Variants in OSER1 observed in about 807,000 individuals in gnomAD.
OSER1 encodes oxidative stress responsive serine rich 1.
Under a neutral mutation model 26.3 loss-of-function variants are expected in OSER1, and 15 were observed. That is an observed-to-expected ratio of 0.57 (90% CI 0.38 to 0.88). The LOEUF is 0.88. Among genes scored for constraint, OSER1 ranks in the 40% least tolerant of loss-of-function variants. The pLI is 0.00. For synonymous variants in OSER1, 127 were observed against 128.2 expected (o/e 0.99, Z 0.07); for missense variants, 313 against 353.9 (o/e 0.88, Z 0.93).
Position 44,202,965 on chromosome 20 carries a change from G to A in OSER1, c.187C>T (p.His63Tyr). Residue 63 changes from histidine to tyrosine, a missense_variant, in exon 3 of 4, where the codon CAC (histidine) becomes TAC (tyrosine). Transcript: ENST00000255174. ...KTTCASKDSW[H>Y]GSTRKSSRGA... ...ATCTCAATAAGAAGCTCTTACCCGT[G>A]CCAACTGTCTTTAGATGCACATGTG... is the stretch of plus-strand genomic sequence containing the variant. The A allele has an allele frequency of 1.3e-6, 2 of 1,575,142 alleles. No individual in the cohort carries two copies. Among genetic ancestry groups the A allele is most frequent in the Non-Finnish European group, 8.7e-7 (1 of 1,144,870 alleles).
chr20:44,208,668 C>T (rs886137307), intron 1 of OSER1, among the ~76,000 whole-genome samples: 1 of 152,120 alleles, frequency 6.6e-6, no homozygotes, highest in Non-Finnish European at 1.5e-5. Context: ...TCAATATTTT[C>T]AAAGCTTCAC....
intron 2 of OSER1, among the ~76,000 whole-genome samples, chr20:44,205,707 G>A (rs1264324323): frequency 2.6e-5 from 4 of 152,064 alleles, no homozygotes; most frequent in East Asian, 1.9e-4. Context: ...TTGGGAGGCC[G>A]AGGTGGGTGG....
rs1335790932 is a variant in OSER1 at position 44,210,724 on chromosome 20, GC to G, written c.-71del. Reference sequence around the variant, plus strand: ...CTCGCAGCTGGGACGCTCCGGTGATGCGGGGCAGTCAGTTCAGAGCGTCTCT... The same window carrying G: ...CTCGCAGCTGGGACGCTCCGGTGATGGGGGCAGTCAGTTCAGAGCGTCTCT... On this transcript the variant is annotated 5_prime_UTR_variant, in exon 1 of 4. Coordinates refer to ENST00000255174, the MANE Select transcript of OSER1 (RefSeq NM_016470.8). The G allele has an allele frequency of 6.6e-6, 1 of 152,346 alleles. No individual in the cohort carries two copies. Among genetic ancestry groups the G allele is most frequent in the Non-Finnish European group, 1.5e-5 (1 of 68,116 alleles). 9.4% of individuals were successfully genotyped at this position (152,346 alleles called of 1,614,324 possible). A position where few individuals can be genotyped will look rare whatever the true frequency, so the allele number is the denominator to read the frequency against.
chr20:44,199,375 G>A (rs1046496595), intron 3 of OSER1, among the ~76,000 whole-genome samples: 2 of 152,098 alleles, frequency 1.3e-5, no homozygotes, highest in African/African-American at 2.4e-5. Flanking sequence ...CCCTTGCCAC[G>A]TGATATCCTT....
chr20:44,199,360 G>A (rs1054394302), intron 3 of OSER1, among the ~76,000 whole-genome samples: 3 of 152,072 alleles, frequency 2.0e-5, no homozygotes, highest in East Asian at 1.9e-4. Context: ...TACTTCTCAC[G>A]AGCCCCCTTG....
chr20:44,204,149 C>T (rs6073369), intron 2 of OSER1, among the ~76,000 whole-genome samples: 36,654 of 152,034 alleles, frequency 0.24, 5,265 homozygotes, highest in Middle Eastern at 0.33. Flanking sequence ...CTATAATAAG[C>T]ATGTATTATG....
chr20:44,203,138 CA>C, intron 2 of OSER1, 64 bp from the exon 3 acceptor site: 12 of 781,252 alleles, frequency 1.5e-5, no homozygotes, highest in Non-Finnish European at 2.6e-5. Flanking sequence ...ATATTGTTCT[CA>C]CTAGCTCAAA....
In OSER1 at chr20:44,203,694, T is replaced by TAACACACACACACACA. The variant is rs1555866748; in HGVS notation, c.78-621_78-620insTGTGTGTGTGTGTGTT. Among the ~76,000 whole-genome samples, 225 of 145,450 alleles carry TAACACACACACACACA rather than the reference T, an allele frequency of 1.5e-3. 2 individuals are homozygous for TAACACACACACACACA. The highest frequency in any genetic ancestry group is 4.8e-3 in the African/African-American group (187 of 39,208). ...TGGTGGAAATCCTTCCAGACTTTTT[T>TAACACACACACACACA]CACACACACACACACACACACACAC... On this transcript the variant is annotated intron_variant, in intron 2 of 3. Coordinates refer to ENST00000255174, the MANE Select transcript of OSER1 (RefSeq NM_016470.8).
At chr20:44,202,271 G>T (rs1322044672) in intron 3 of OSER1, among the ~76,000 whole-genome samples, 3 of 152,130 alleles carry the variant, frequency 2.0e-5, no homozygotes, top group Non-Finnish European at 1.5e-5. Context: ...CCAGGTACCT[G>T]GGAGGCCAAG....
Position 44,196,557 on chromosome 20 carries a change from A to G in OSER1, c.*495T>C, listed in dbSNP as rs895826458. The G allele has an allele frequency of 1.3e-5, 2 of 154,930 alleles. No individual in the cohort carries two copies. The highest frequency in any genetic ancestry group is 4.8e-5 in the African/African-American group (2 of 41,476). 9.6% of individuals were successfully genotyped at this position (154,930 alleles called of 1,614,324 possible). A position where few individuals can be genotyped will look rare whatever the true frequency, so the allele number is the denominator to read the frequency against. ...TAAACCTTAGATCTCTGGCTTAACA[A>G]TAACAAGAGAAACCTTTATAGACAC... On this transcript the variant is annotated 3_prime_UTR_variant, in exon 4 of 4. Transcript: ENST00000255174.
At chr20:44,210,888 C>G (rs1435980945), upstream of OSER1, 1 of 152,178 alleles carries the variant, frequency 6.6e-6, no homozygotes, top group Non-Finnish European at 1.5e-5. Context: ...AGTGACTCGG[C>G]AGCGCGGCAG....
At chr20:44,199,727 G>T (rs1167526769) in intron 3 of OSER1, among the ~76,000 whole-genome samples, 1 of 152,228 alleles carries the variant, frequency 6.6e-6, no homozygotes, top group Non-Finnish European at 1.5e-5. Context: ...CACAGTGCAT[G>T]TAAGTCCTTA....
intron 2 of OSER1, among the ~76,000 whole-genome samples, chr20:44,205,043 G>A (rs551687855): frequency 2.6e-5 from 4 of 152,066 alleles, no homozygotes; most frequent in Non-Finnish European, 4.4e-5. Context: ...CCATGTTGCC[G>A]AGGCTGGTCT....
intron 1 of OSER1, among the ~76,000 whole-genome samples, chr20:44,208,261 T>A (rs886190716): frequency 6.6e-6 from 1 of 151,920 alleles, no homozygotes; most frequent in Admixed American, 6.5e-5. Flanking sequence ...CAAGGTGTCA[T>A]AATGTTTGAT....
chr20:44,198,868 T>C (rs1404509635), intron 3 of OSER1, among the ~76,000 whole-genome samples: 2 of 152,214 alleles, frequency 1.3e-5, no homozygotes, highest in African/African-American at 2.4e-5. Context: ...AAGTTTTACA[T>C]TGCGCCCCAC....
chr20:44,197,731 C>A lies in OSER1; in HGVS notation c.200G>T (p.Arg67Met). Reference protein sequence around the residue: ...ASKDSWHGSTRKSSRGAVRTQ... With the variant: ...ASKDSWHGSTMKSSRGAVRTQ... ...TCTCACTGCTCCTCGTGAAGACTTC[C>A]TTGTAGACCTAAAGAGGAAAAAAAA... Residue 67 changes from arginine to methionine, a missense_variant, in exon 4 of 4, where the codon AGG becomes ATG. By Grantham distance (91) the Arg-to-Met change is moderately conservative (BLOSUM62 -1). Coordinates refer to ENST00000255174, the MANE Select transcript of OSER1 (RefSeq NM_016470.8). The A allele has an allele frequency of 6.2e-7, 1 of 1,608,228 alleles. No individual in the cohort carries two copies. Among genetic ancestry groups the A allele is most frequent in the East Asian group, 2.2e-5 (1 of 44,754 alleles).
chr20:44,207,041 T>C, intron 1 of OSER1, 43 bp from the exon 2 acceptor site: 2 of 941,322 alleles, frequency 2.1e-6, no homozygotes, highest in South Asian at 3.0e-5. Flanking sequence ...ACAGGTGGGA[T>C]CAAAAGTATA....
chr20:44,197,808 C>T, intron 3 of OSER1, 69 bp from the exon 4 acceptor site: 1 of 1,054,404 alleles, frequency 9.5e-7, no homozygotes, highest in East Asian at 2.5e-5. Context: ...TTCTTTATGA[C>T]AGTAGGAAAT....
rs1336721590 is a variant in OSER1 at position 44,197,543 on chromosome 20, T to C, written c.388A>G (p.Ser130Gly). Residue 130 changes from serine to glycine, a missense_variant, in exon 4 of 4, where the codon AGT (serine) becomes GGT (glycine). By Grantham distance (56) the Ser-to-Gly change is moderately conservative (BLOSUM62 0). This residue lies in a region of OSER1 where 300 missense variants were observed against 318.3 expected (regional missense o/e 0.94). Transcript: ENST00000255174. ...GLGISSPKEF[S>G]AGESSTSLDA... is the part of the protein sequence containing the mutation. ...AGAGAAGTAGAGCTTTCTCCTGCACTGAACTCTTTAGGGGATGAAATTCCC... is the reference window on the plus strand; with the variant it reads ...AGAGAAGTAGAGCTTTCTCCTGCACCGAACTCTTTAGGGGATGAAATTCCC... 1 of 1,614,054 alleles carries C rather than the reference T, an allele frequency of 6.2e-7. No individual in the cohort carries two copies. Among genetic ancestry groups the C allele is most frequent in the African/African-American group, 1.3e-5 (1 of 74,928 alleles).
Sources: gnomAD v4.1 joint callset for allele counts (sites outside exome capture counted in the v4.1 genomes callset) on GRCh38, gnomAD v4.1.1 for gene constraint, gnomAD v4.1.1 regional missense constraint, MANE v1.5 for transcripts, NCBI Gene and HGNC (gene_info 2026-07-23, HGNC 2026-07-21) for gene names.